Variants in SHANK2 observed in about 807,000 individuals in gnomAD.
The protein encoded by SHANK2 is SH3 and multiple ankyrin repeat domains 2.
SHANK2 carries 43 observed loss-of-function variants against 133.7 expected under a neutral mutation model. That is an observed-to-expected ratio of 0.32 (90% confidence interval 0.25 to 0.41). The LOEUF (loss-of-function observed/expected upper bound fraction) is 0.41. SHANK2 is among the 10% of genes least tolerant of loss of function. The pLI, the probability that SHANK2 is intolerant of heterozygous loss-of-function variation, is 1.00. For missense variants in SHANK2, 1,994 were observed against 2,235.8 expected (o/e 0.89, Z 2.18); for synonymous variants, 1,017 against 952.8 (o/e 1.07, Z -1.24).
At chr11:71,118,792 C>T in intron 4 of SHANK2, 37 bp downstream of exon 4, 2 of 1,482,292 alleles carry the variant, frequency 1.3e-6, no homozygotes, top group East Asian at 2.5e-5. Flanking sequence ...CAGGCTGTGA[C>T]ACAACCACAG....
chr11:71,125,411 T>C (rs1555102450), intron 3 of SHANK2, among the ~76,000 whole-genome samples: 1 of 152,172 alleles, frequency 6.6e-6, no homozygotes, highest in East Asian at 1.9e-4. Context: ...GAAACAGGCC[T>C]TAGTGCTGAC....
intron 2 of SHANK2, among the ~76,000 whole-genome samples, chr11:71,192,562 G>C (rs2135586562): frequency 6.6e-6 from 1 of 152,294 alleles, no homozygotes; most frequent in Middle Eastern, 3.4e-3. Flanking sequence ...ACCAGAACCT[G>C]AGCCTTTATG....
intron 14 of SHANK2, among the ~76,000 whole-genome samples, chr11:70,746,005 C>T (rs1946629653): frequency 6.6e-6 from 1 of 152,236 alleles, no homozygotes; most frequent in Non-Finnish European, 1.5e-5. Flanking sequence ...CCCTCCTCTC[C>T]AGCCTCCAGC....
chr11:70,795,015 C>T (rs782390376), intron 14 of SHANK2, among the ~76,000 whole-genome samples: 51 of 152,218 alleles, frequency 3.4e-4, no homozygotes, highest in Middle Eastern at 3.4e-3. Flanking sequence ...TGCTAAGTCA[C>T]GATCTTAGAA....
intron 11 of SHANK2, among the ~76,000 whole-genome samples, chr11:70,843,738 C>G (rs77979967): frequency 0.018 from 2,796 of 152,150 alleles, 81 homozygotes; most frequent in African/African-American, 0.064. Flanking sequence ...CCCCAGCCCA[C>G]CTGCAGGGCT....
chr11:70,827,177 C>A (rs1353670559), intron 11 of SHANK2, among the ~76,000 whole-genome samples: 1 of 151,784 alleles, frequency 6.6e-6, no homozygotes, highest in Admixed American at 6.6e-5. Flanking sequence ...TCAAAAGAAT[C>A]AGACACAAGT....
At chr11:70,818,492 T>C (rs946573800) in intron 12 of SHANK2, among the ~76,000 whole-genome samples, 1 of 152,300 alleles carries the variant, frequency 6.6e-6, no homozygotes, top group East Asian at 1.9e-4. Flanking sequence ...CTGCCTTTGC[T>C]GTCTTATTAG....
chr11:70,897,937 C>CTT (rs1449814576), intron 10 of SHANK2, among the ~76,000 whole-genome samples: 19 of 148,706 alleles, frequency 1.3e-4, no homozygotes, highest in African/African-American at 4.6e-4. Context: ...TCATAATATA[C>CTT]ATATACACAC....
intron 8 of SHANK2, among the ~76,000 whole-genome samples, chr11:71,085,626 T>TATA (rs1590894162): frequency 1.5e-5 from 1 of 68,056 alleles, no homozygotes; most frequent in Non-Finnish European, 2.5e-5. Flanking sequence ...ATATTATATA[T>TATA]TATAATATAT....
intron 17 of SHANK2, among the ~76,000 whole-genome samples, chr11:70,586,836 G>A (rs1459914272): frequency 6.6e-6 from 1 of 152,198 alleles, no homozygotes; most frequent in African/African-American, 2.4e-5. Flanking sequence ...CCCCAGAGTG[G>A]GCAGAGCCTA....
At chr11:70,893,366 C>T (rs139593776) in intron 11 of SHANK2, among the ~76,000 whole-genome samples, 285 of 152,286 alleles carry the variant, frequency 1.9e-3, no homozygotes, top group African/African-American at 6.3e-3. Context: ...GCCAGAGGGG[C>T]GATGCAAAGT....
At chr11:71,158,623 T>C (rs1354240782) in intron 2 of SHANK2, among the ~76,000 whole-genome samples, 1 of 152,216 alleles carries the variant, frequency 6.6e-6, no homozygotes, top group African/African-American at 2.4e-5. Context: ...ACTCTGATCT[T>C]AAAGCTCAAA....
chr11:71,112,115 C>T (rs1436398622), intron 5 of SHANK2, among the ~76,000 whole-genome samples: 2 of 152,300 alleles, frequency 1.3e-5, no homozygotes, highest in South Asian at 2.1e-4. Flanking sequence ...AGAATCCTGC[C>T]GGGCACAGTG....
intron 14 of SHANK2, among the ~76,000 whole-genome samples, chr11:70,728,307 T>A (rs1336980310): frequency 1.3e-5 from 2 of 152,152 alleles, no homozygotes; most frequent in Non-Finnish European, 2.9e-5. Context: ...CTCTGGGATA[T>A]GTGAGAAGGG....
At chr11:70,863,315 G>A (rs1555068197) in intron 11 of SHANK2, 4 of 458,184 alleles carry the variant, frequency 8.7e-6, no homozygotes, top group Admixed American at 7.0e-5. Flanking sequence ...TGAGCTGATG[G>A]CACAACTGCC....
chr11:70,473,730 A>T lies in SHANK2; in HGVS notation c.4980-291T>A, dbSNP rs1169887671. On this transcript the variant is annotated intron_variant, in intron 25 of 25. Coordinates refer to ENST00000601538, the MANE Select transcript of SHANK2 (RefSeq NM_012309.5). This position sits in a 1 kb window ranked among gnomAD's most constrained non-coding sequence, Gnocchi z 5.9. ...TGGGGGGAGCACACCACGTCAGCCC[A>T]CTCACCTGAACTGGGACAGAGGGGC... 8.4e-6 allele frequency: 4 copies of T among 473,480 alleles called. No homozygotes were observed. The highest frequency in any genetic ancestry group is 1.6e-5 in the Non-Finnish European group (4 of 253,506). The allele number at this position is 473,480 out of a possible 1,614,324, so 29.3% of individuals were successfully genotyped here.
chr11:70,549,847 GT>G (rs1565121277), intron 17 of SHANK2, among the ~76,000 whole-genome samples: 1 of 152,228 alleles, frequency 6.6e-6, no homozygotes, highest in African/African-American at 2.4e-5. Flanking sequence ...CCATGTTTGG[GT>G]TTTTCACCAG....
At chr11:70,879,049 T>A (rs1247707727) in intron 11 of SHANK2, among the ~76,000 whole-genome samples, 1 of 152,206 alleles carries the variant, frequency 6.6e-6, no homozygotes, top group Non-Finnish European at 1.5e-5. Context: ...CTTGGTGGAC[T>A]CCTTGGTCAG....
chr11:70,606,938 G>A (rs1421130382), intron 17 of SHANK2, among the ~76,000 whole-genome samples: 5 of 152,190 alleles, frequency 3.3e-5, no homozygotes, highest in South Asian at 2.1e-4. Flanking sequence ...GATGAGGCTC[G>A]GGACCTGAGT....
Sources: gnomAD v4.1 joint callset for allele counts (sites outside exome capture counted in the v4.1 genomes callset) on GRCh38, gnomAD v4.1.1 for gene constraint, Gnocchi (gnomAD v3.1) non-coding constraint, MANE v1.5 for transcripts, NCBI Gene and HGNC (gene_info 2026-07-23, HGNC 2026-07-21) for gene names.